The following UMOD variants were observed in gnomAD, a reference collection of about 807,000 sequenced individuals.
The protein encoded by UMOD is uromodulin.
A neutral mutation model predicts 66.0 loss-of-function variants in UMOD; 64 were observed. That is an observed-to-expected ratio of 0.97 (90% CI 0.79 to 1.19). The LOEUF (loss-of-function observed/expected upper bound fraction) is 1.19, where lower values mean the gene tolerates loss of function less well. Among genes scored for constraint, UMOD ranks in the 50% most tolerant of loss-of-function variants. UMOD has a pLI of 0.00. For synonymous variants in UMOD, 398 were observed against 352.7 expected (o/e 1.13, Z -1.44); for missense variants, 764 against 850.9 (o/e 0.90, Z 1.27).
At chr16:20,341,475 TG>T (rs1965215613) in intron 6 of UMOD, 139 bp from the exon 7 acceptor site, 1 of 1,495,740 alleles carries the variant, frequency 6.7e-7, no homozygotes, top group Non-Finnish European at 9.0e-7. Flanking sequence ...ACCCACCAAC[TG>T]TTGCTTTGCA....
At chr16:20,341,016 AT>A in intron 7 of UMOD, 74 bp downstream of exon 7, 1 of 1,445,186 alleles carries the variant, frequency 6.9e-7, no homozygotes, top group Non-Finnish European at 9.5e-7. Context: ...AAAAGATGCA[AT>A]TTTCCTCCAT....
At chr16:20,335,213 T>C (rs1964805759) in intron 10 of UMOD, among the ~76,000 whole-genome samples, 1 of 152,012 alleles carries the variant, frequency 6.6e-6, no homozygotes, top group Non-Finnish European at 1.5e-5. Context: ...AGATCTGGAG[T>C]GTGTGCATAT....
intron 10 of UMOD, among the ~76,000 whole-genome samples, chr16:20,334,869 G>A (rs969294167): frequency 6.6e-5 from 9 of 136,696 alleles, no homozygotes. Flanking sequence ...ATCTTGCTTT[G>A]TTGCCAGGCT....
chr16:20,333,110 C>T lies in UMOD; in HGVS notation c.*204G>A. ...TAAGGAGATGGGGGCCTCAGGTACACCGTCACAAGTCCCATTTTGAGAAAA... is the reference window on the plus strand; with the variant it reads ...TAAGGAGATGGGGGCCTCAGGTACATCGTCACAAGTCCCATTTTGAGAAAA... On this transcript the variant is annotated 3_prime_UTR_variant, in exon 11 of 11. Transcript: ENST00000396138. The T allele has an allele frequency of 1.6e-6, 1 of 611,564 alleles. No individual in the cohort carries two copies. Among genetic ancestry groups the T allele is most frequent in the Non-Finnish European group, 3.0e-6 (1 of 332,404 alleles). 37.9% of individuals were successfully genotyped at this position (611,564 alleles called of 1,614,324 possible).
In UMOD at chr16:20,349,164, G is replaced by A; in HGVS notation, c.137C>T (p.Ala46Val). 6.2e-7 allele frequency: 1 copy of A among 1,614,054 alleles called. No individual in the cohort carries two copies. The highest frequency in any genetic ancestry group is 8.5e-7 in the Non-Finnish European group (1 of 1,180,022). ...HSNATCTEDE[A>V]VTTCTCQEGF... ...CTCCTGACAGGTGCACGTCGTAACG[G>A]CCTCATCCTCCGTGCAGGTGGCATT... The change falls in exon 3 of 11, where the codon GCC (alanine) becomes GTC (valine). Residue 46 changes from alanine to valine, a missense_variant. By Grantham distance (64) the Ala-to-Val change is moderately conservative. Transcript: ENST00000396138.
intron 2 of UMOD, among the ~76,000 whole-genome samples, chr16:20,349,422 T>C (rs1179603461): frequency 6.6e-6 from 1 of 152,246 alleles, no homozygotes; most frequent in Non-Finnish European, 1.5e-5. Flanking sequence ...ATTGTATTTT[T>C]TAACTTTATT....
chr16:20,336,228 T>C (rs1195772408), intron 9 of UMOD, among the ~76,000 whole-genome samples: 1 of 152,218 alleles, frequency 6.6e-6, no homozygotes, highest in Non-Finnish European at 1.5e-5. Flanking sequence ...CAGGGGATTA[T>C]TCAAATGGCA....
chr16:20,351,999 CAG>C (rs1965918670), intron 1 of UMOD, among the ~76,000 whole-genome samples: 1 of 139,044 alleles, frequency 7.2e-6, no homozygotes, highest in Non-Finnish European at 1.5e-5. Context: ...GCCTGGGTGA[CAG>C]AGAGTCCATC....
chr16:20,343,972 G>T, intron 6 of UMOD, 52 bp downstream of exon 6: 1 of 1,608,998 alleles, frequency 6.2e-7, no homozygotes, highest in South Asian at 1.1e-5. Flanking sequence ...CATGGTTAAG[G>T]GGTTTGGGGT....
intron 7 of UMOD, among the ~76,000 whole-genome samples, chr16:20,339,991 T>C (rs913735522): frequency 6.6e-6 from 1 of 152,184 alleles, no homozygotes; most frequent in African/African-American, 2.4e-5. Flanking sequence ...TGGCTAACCA[T>C]GCCCATGTCT....
chr16:20,344,192 TGGA>T lies in UMOD; in HGVS notation c.1183-23_1183-21del. On this transcript the variant is annotated intron_variant, in intron 5 of 10. Transcript: ENST00000396138. Reference sequence around the variant, plus strand: ...ATTCCTCTGTTGCAGGGAATGGGGGTGGAGGGGGGGTGGGGATGAGAGAAAGGG... The same window carrying T: ...ATTCCTCTGTTGCAGGGAATGGGGGTGGGGGGGTGGGGATGAGAGAAAGGG... 1.8e-6 allele frequency: 1 copy of T among 555,038 alleles called. No homozygotes were observed. 34.4% of individuals were successfully genotyped at this position (555,038 alleles called of 1,614,324 possible). A position where few individuals can be genotyped will look rare whatever the true frequency, so the allele number is the denominator to read the frequency against.
At chr16:20,349,239 G>A (rs1378271030) in intron 2 of UMOD, 27 bp from the exon 3 acceptor site, 3 of 1,608,162 alleles carry the variant, frequency 1.9e-6, no homozygotes, top group East Asian at 2.2e-5. Flanking sequence ...CCAGCTTCAG[G>A]GTTTGGGCAG....
chr16:20,341,555 TG>T (rs1332058249), intron 6 of UMOD, among the ~76,000 whole-genome samples: 2 of 152,114 alleles, frequency 1.3e-5, no homozygotes, highest in Non-Finnish European at 2.9e-5. Context: ...TGGTGAGTAT[TG>T]GGGTGGGGCT....
chr16:20,346,520 A>C (rs1965595140), intron 4 of UMOD, among the ~76,000 whole-genome samples, 186 bp from the exon 5 acceptor site: 2 of 152,236 alleles, frequency 1.3e-5, no homozygotes, highest in South Asian at 4.1e-4. Flanking sequence ...CAATGGATAC[A>C]TCCACTGACC....
intron 5 of UMOD, among the ~76,000 whole-genome samples, chr16:20,345,368 CCTTT>C (rs1200803534): frequency 6.7e-6 from 1 of 148,816 alleles, no homozygotes; most frequent in South Asian, 2.2e-4. Flanking sequence ...CTTCTTTCTT[CCTTT>C]CTTCCTTCCT....
At chr16:20,354,117 G>C (rs925877168), upstream of UMOD, among the ~76,000 whole-genome samples, 1 of 152,084 alleles carries the variant, frequency 6.6e-6, no homozygotes, top group Non-Finnish European at 1.5e-5. Flanking sequence ...AGTATTCCAC[G>C]GTGTATATGT....
Position 20,337,683 on chromosome 16 carries a change from T to C in UMOD, c.1578-230A>G, listed in dbSNP as rs568516931. Among the ~76,000 whole-genome samples, 16 of 152,354 alleles carry C rather than the reference T, an allele frequency of 1.1e-4. No individual in the cohort carries two copies. In the South Asian group the frequency reaches 3.1e-3, roughly 30 times the overall value. ...TAATTTCTCAAAGTGCGTAGAACTG[T>C]GTGTAGCATGCCATAGGTGCTTTAT... On this transcript the variant is annotated intron_variant, in intron 7 of 10. Coordinates refer to ENST00000396138, the MANE Select transcript of UMOD (RefSeq NM_003361.4).
chr16:20,336,386 T>C lies in UMOD; in HGVS notation c.1822+260A>G, dbSNP rs553119065. ...TGTGTGTGCAAACTTGTCTGGATGA[T>C]CTACATTCCTACCTGCCTGTCTGGC... is the stretch of plus-strand genomic sequence containing the variant. On this transcript the variant is annotated intron_variant, in intron 9 of 10. Coordinates refer to ENST00000396138, the MANE Select transcript of UMOD (RefSeq NM_003361.4). 2.0e-5 allele frequency among the ~76,000 whole-genome samples: 3 copies of C among 152,358 alleles called. No homozygotes were observed. In the East Asian group the frequency reaches 5.8e-4, roughly 29 times the overall value.
In UMOD at chr16:20,333,174, G is replaced by A. The variant is rs958358949; in HGVS notation, c.*140C>T. 1.0e-5 allele frequency: 9 copies of A among 890,976 alleles called. No homozygotes were observed. The highest frequency in any genetic ancestry group is 1.6e-5 in the Non-Finnish European group (9 of 549,998). 55.2% of individuals were successfully genotyped at this position (890,976 alleles called of 1,614,324 possible). ...GACACAGGCTGTTTCTCGACAGCCA[G>A]GATTAAAAGGGAGAAAAGAAGGCAG... is the stretch of plus-strand genomic sequence containing the variant. On this transcript the variant is annotated 3_prime_UTR_variant, in exon 11 of 11. Transcript: ENST00000396138.
Sources: gnomAD v4.1 joint callset for allele counts (sites outside exome capture counted in the v4.1 genomes callset) on GRCh38, gnomAD v4.1.1 for gene constraint, MANE v1.5 for transcripts, NCBI Gene and HGNC (gene_info 2026-07-23, HGNC 2026-07-21) for gene names.